The following USP7 variants were observed in gnomAD, a reference collection of about 807,000 sequenced individuals.
The protein encoded by USP7 is ubiquitin specific peptidase 7, also known as ubiquitin C-terminal hydrolase 7.
In USP7, 9 loss-of-function variants were observed where a neutral mutation model predicts 162.9. That is an observed-to-expected ratio of 0.06 (90% CI 0.03 to 0.10). USP7 has a LOEUF of 0.10. Among genes scored for constraint, USP7 ranks in the 10% least tolerant of loss-of-function variants. The pLI, the probability that USP7 is intolerant of heterozygous loss-of-function variation, is 1.00. For synonymous variants in USP7, 562 were observed against 475.9 expected, an observed-to-expected ratio of 1.18 and a Z score of -2.35; for missense variants, 715 against 1,373.7, an observed-to-expected ratio of 0.52 and a Z score of 7.58.
intron 1 of USP7, among the ~76,000 whole-genome samples, chr16:8,945,310 G>A (rs1450766729): frequency 3.3e-5 from 5 of 152,162 alleles, no homozygotes; most frequent in African/African-American, 1.2e-4. Flanking sequence ...TTTGTACCTG[G>A]GAGGTGGAGG....
At position 8,923,720 on chromosome 16, in the gene USP7, G is replaced by C. The variant is rs140547336; in HGVS notation, c.185-307C>G. Among the ~76,000 whole-genome samples, 139 of 152,306 alleles carry C rather than the reference G, an allele frequency of 9.1e-4. 4 individuals carry two copies. The East Asian group carries it at 0.014, about 15-fold the overall frequency. ...AAAGCTGAATTCCCAAGGACCCCAG[G>C]CACCAAGTGAGTGGAGAGACCTTGG... On this transcript the variant is annotated intron_variant, in intron 2 of 30. Transcript: ENST00000344836.
intron 1 of USP7, among the ~76,000 whole-genome samples, chr16:8,937,400 G>A (rs542948394): frequency 1.3e-5 from 2 of 152,310 alleles, no homozygotes; most frequent in African/African-American, 2.4e-5. Flanking sequence ...AAATTAGCCA[G>A]ACGTGGTGGC....
intron 2 of USP7, among the ~76,000 whole-genome samples, chr16:8,928,580 T>G (rs1312634628): frequency 6.6e-6 from 1 of 152,192 alleles, no homozygotes; most frequent in Admixed American, 6.5e-5. Flanking sequence ...TGCCCTCAGC[T>G]ACAAGTTCTT....
chr16:8,920,487 C>T (rs749984635), intron 4 of USP7, 40 bp from the exon 5 acceptor site: 2 of 1,543,142 alleles, frequency 1.3e-6, no homozygotes, highest in Non-Finnish European at 1.8e-6. Flanking sequence ...TGAATAAGAA[C>T]ACACATTTTA....
rs755963807 is a variant in USP7 at position 8,902,465 on chromosome 16, T to C, written c.1857A>G (p.Gln619=). 6 of 1,613,760 alleles carry C rather than the reference T, an allele frequency of 3.7e-6. No homozygotes were observed. Among genetic ancestry groups the C allele is most frequent in the African/African-American group, 1.3e-5 (1 of 74,914 alleles). ...TTGCTTGCATGGGCCACAATCGAATTTGATCTTGTGGAAATCCCTGAAAAA... is the reference window on the plus strand; with the variant it reads ...TTGCTTGCATGGGCCACAATCGAATCTGATCTTGTGGAAATCCCTGAAAAA... ...LSQTMGFPQD[Q]IRLWPMQARS... The change falls in exon 17 of 31, where the codon CAA becomes CAG. Residue 619 remains glutamine (Q), a synonymous_variant. Transcript: ENST00000344836.
At position 8,914,440 on chromosome 16, in the gene USP7, A is replaced by C. The variant is rs938898399; in HGVS notation, c.1078+814T>G. 2.6e-5 allele frequency among the ~76,000 whole-genome samples: 4 copies of C among 152,220 alleles called. 1 individual carries two copies. Among genetic ancestry groups the C allele is most frequent in the South Asian group, 2.1e-4 (1 of 4,830 alleles). ...TTCCTCCAAATGCAAACAGGCATTA[A>C]GAATGGTCGATCTGCCTTATGCCTA... On this transcript the variant is annotated intron_variant, in intron 10 of 30. Coordinates refer to ENST00000344836, the MANE Select transcript of USP7 (RefSeq NM_003470.3).
chr16:8,894,537 G>GGA lies in USP7; in HGVS notation c.3202+11_3202+12dup. ...AAACCCACACCAGCCCCCGGGGGGG[G>GGA]GAGAACCCTTACCGGGCTGTGGCTC... is the stretch of plus-strand genomic sequence containing the variant. On this transcript the variant is annotated intron_variant, in intron 30 of 30. Transcript: ENST00000344836. 6.2e-7 allele frequency: 1 copy of GGA among 1,610,434 alleles called. No individual in the cohort carries two copies. Among genetic ancestry groups the GGA allele is most frequent in the Non-Finnish European group, 8.5e-7 (1 of 1,179,738 alleles).
chr16:8,952,984 G>A (rs187209376), intron 1 of USP7, among the ~76,000 whole-genome samples: 3 of 152,166 alleles, frequency 2.0e-5, no homozygotes, highest in African/African-American at 4.8e-5. Context: ...TTACAGTCGC[G>A]TGTCACCATG....
chr16:8,907,409 G>C (rs538158362), intron 12 of USP7, among the ~76,000 whole-genome samples: 59 of 152,292 alleles, frequency 3.9e-4, no homozygotes, highest in African/African-American at 1.2e-3. Context: ...AAAGTGATTT[G>C]ATTACACTCT....
At position 8,899,352 on chromosome 16, in the gene USP7, G is replaced by C. The variant is rs112459633; in HGVS notation, c.2464-164C>G. 1.0e-3 allele frequency: 754 copies of C among 752,732 alleles called. 5 individuals are homozygous for C. In the African/African-American group the frequency reaches 0.01, roughly 10 times the overall value. 46.6% of individuals were successfully genotyped at this position (752,732 alleles called of 1,614,324 possible). A position where few individuals can be genotyped will look rare whatever the true frequency, so the allele number is the denominator to read the frequency against. ...TATTATTCCTTAATGAATCACCATG[G>C]GAGTAGCATATCTGATGAAGATAAC... On this transcript the variant is annotated intron_variant, in intron 22 of 30. Transcript: ENST00000344836.
At chr16:8,904,367 G>A (rs546601834) in intron 15 of USP7, 68 bp downstream of exon 15, 14 of 1,589,028 alleles carry the variant, frequency 8.8e-6, no homozygotes, top group Non-Finnish European at 1.2e-5. Context: ...GGGCTGACCT[G>A]CACTTGTGTA....
chr16:8,962,542 C>T (rs1452700715), intron 1 of USP7: 1 of 440,486 alleles, frequency 2.3e-6, no homozygotes, highest in Middle Eastern at 3.3e-4. Context: ...CGGTTGCAAG[C>T]GCACACCTGG....
chr16:8,941,936 G>GCA (rs758973927), intron 1 of USP7, among the ~76,000 whole-genome samples: 1 of 152,208 alleles, frequency 6.6e-6, no homozygotes, highest in Non-Finnish European at 1.5e-5. Context: ...GAGGGCAAAC[G>GCA]CACACAGTGA....
At chr16:8,903,866 T>A (rs2061817524) in intron 15 of USP7, among the ~76,000 whole-genome samples, 1 of 110,788 alleles carries the variant, frequency 9.0e-6, no homozygotes, top group Non-Finnish European at 1.9e-5. Flanking sequence ...AAACTCTGTC[T>A]CAAAAAAAAA....
chr16:8,921,084 G>C (rs1484468449), intron 4 of USP7, 73 bp downstream of exon 4: 2 of 1,509,262 alleles, frequency 1.3e-6, no homozygotes, highest in Non-Finnish European at 8.9e-7. Flanking sequence ...TAAAGGACTT[G>C]AAAAATCAAA....
intron 18 of USP7, 24 bp from the exon 19 acceptor site, chr16:8,901,258 T>C (rs375459178): frequency 1.4e-4 from 216 of 1,554,534 alleles, no homozygotes; most frequent in Non-Finnish European, 1.8e-4. Flanking sequence ...AAACAAGTTT[T>C]GTTAAGATCC....
At chr16:8,907,255 T>A (rs1293621977) in intron 12 of USP7, among the ~76,000 whole-genome samples, 1 of 152,132 alleles carries the variant, frequency 6.6e-6, no homozygotes, top group East Asian at 1.9e-4. Context: ...CCAACAAAAA[T>A]AAAAACAAAG....
At chr16:8,929,581 T>C (rs751692484) in intron 2 of USP7, 3 of 456,086 alleles carry the variant, frequency 6.6e-6, no homozygotes, top group South Asian at 1.5e-5. Context: ...TTGATGGACA[T>C]GCTTTTTGAC....
intron 1 of USP7, among the ~76,000 whole-genome samples, chr16:8,935,049 C>T (rs999569699): frequency 1.3e-5 from 2 of 152,212 alleles, no homozygotes; most frequent in African/African-American, 4.8e-5. Flanking sequence ...AGGCTGCCTT[C>T]TTTTATTGTT....
Sources: allele counts gnomAD v4.1 joint callset (sites outside exome capture counted in the v4.1 genomes callset), GRCh38; gene constraint gnomAD v4.1.1; transcripts MANE v1.5; gene names NCBI Gene and HGNC (gene_info 2026-07-23, HGNC 2026-07-21).